Variants in BIRC6 observed in about 807,000 individuals in gnomAD.
BIRC6 encodes baculoviral IAP repeat containing 6, also known as dual E2 ubiquitin-conjugating enzyme/E3 ubiquitin-protein ligase BIRC6.
Under a neutral mutation model 503.3 loss-of-function variants are expected in BIRC6, and 98 were observed. The ratio of observed to expected loss-of-function variants is 0.19; its 90% confidence interval spans 0.17 to 0.23. The LOEUF (loss-of-function observed/expected upper bound fraction) is 0.23. BIRC6 is among the 10% of genes least tolerant of loss of function. BIRC6 has a pLI of 1.00. For missense variants in BIRC6, 5,360 were observed against 5,806.0 expected, an observed-to-expected ratio of 0.92 and a Z score of 2.50; for synonymous variants, 2,240 against 2,078.7, an observed-to-expected ratio of 1.08 and a Z score of -2.11.
intron 43 of BIRC6, 70 bp downstream of exon 43, chr2:32,490,221 A>G: frequency 1.5e-6 from 2 of 1,340,060 alleles, no homozygotes; most frequent in South Asian, 1.2e-5. Context: ...GATTCTTAAA[A>G]CAGAGTTTTC....
chr2:32,549,201 CT>C (rs2058270397), intron 64 of BIRC6, 111 bp from the exon 65 acceptor site: 3 of 670,362 alleles, frequency 4.5e-6, no homozygotes. Flanking sequence ...GTATAAGATA[CT>C]GATTAAGTAG....
intron 65 of BIRC6, among the ~76,000 whole-genome samples, chr2:32,569,114 C>T (rs530035010): frequency 6.6e-6 from 1 of 151,844 alleles, no homozygotes; most frequent in Admixed American, 6.6e-5. Context: ...CTCAGCCTCC[C>T]GAGTAGCTGG....
intron 65 of BIRC6, among the ~76,000 whole-genome samples, chr2:32,559,221 A>G (rs1186187324): frequency 6.6e-6 from 1 of 152,262 alleles, no homozygotes; most frequent in Admixed American, 6.5e-5. Flanking sequence ...CAAGCTATGC[A>G]TAAATCAGCA....
At position 32,377,636 on chromosome 2, in the gene BIRC6, A is replaced by C. The variant is rs2037009148; in HGVS notation, c.374A>C (p.Lys125Thr). The change falls in exon 2 of 74, where the codon AAA becomes ACA. Residue 125 changes from lysine (K) to threonine (T), a missense_variant. Lys to Thr is a moderately conservative substitution (Grantham distance 78, BLOSUM62 -1). Transcript: ENST00000421745. ...VKCQYISAVD[K>T]VIFVDDYAVG... ...TGTCAGTATATCTCTGCTGTGGATA[A>C]AGTTATATTTGTGGATGATTATGCA... The C allele has an allele frequency of 6.2e-7, 1 of 1,613,380 alleles. No homozygotes were observed. Among genetic ancestry groups the C allele is most frequent in the Non-Finnish European group, 8.5e-7 (1 of 1,179,668 alleles).
Position 32,503,146 on chromosome 2 carries a change from C to A in BIRC6, c.9409C>A (p.Pro3137Thr). 1 of 1,612,504 alleles carries A rather than the reference C, an allele frequency of 6.2e-7. No homozygotes were observed. The highest frequency in any genetic ancestry group is 8.5e-7 in the Non-Finnish European group (1 of 1,179,212). ...TATTATGAAATTTCTTGACTCTGGT[C>A]CAAATAAAGCTGTTGACAGCACATT... ...STIMKFLDSGPNKAVDSTLKT... is the reference protein window; with the variant it reads ...STIMKFLDSGTNKAVDSTLKT... The change falls in exon 49 of 74, where the codon CCA becomes ACA. Residue 3137 changes from proline to threonine, a missense_variant. Physicochemically the swap from Pro to Thr is conservative, Grantham distance 38. Transcript: ENST00000421745.
chr2:32,532,406 A>G (rs1659172410), intron 61 of BIRC6, among the ~76,000 whole-genome samples: 1 of 151,900 alleles, frequency 6.6e-6, no homozygotes, highest in African/African-American at 2.4e-5. Context: ...CTTGCTGTTC[A>G]TTGGTTTGTA....
intron 12 of BIRC6, among the ~76,000 whole-genome samples, chr2:32,433,295 A>G (rs1487282279): frequency 1.3e-5 from 2 of 152,212 alleles, no homozygotes; most frequent in Non-Finnish European, 2.9e-5. Flanking sequence ...TAAGAAATAC[A>G]ATAAATTGTT....
At chr2:32,432,435 A>G (rs1344917387) in intron 12 of BIRC6, among the ~76,000 whole-genome samples, 1 of 151,972 alleles carries the variant, frequency 6.6e-6, no homozygotes, top group Non-Finnish European at 1.5e-5. Flanking sequence ...AAACAGAGGT[A>G]GAGGTACCTG....
chr2:32,383,582 G>A (rs2038009149), intron 3 of BIRC6, among the ~76,000 whole-genome samples: 1 of 151,876 alleles, frequency 6.6e-6, no homozygotes, highest in South Asian at 2.1e-4. Flanking sequence ...TGTCACCCAG[G>A]CTGGAGTGCA....
intron 56 of BIRC6, 99 bp downstream of exon 56, chr2:32,518,496 G>C: frequency 7.9e-7 from 1 of 1,270,166 alleles, no homozygotes; most frequent in Non-Finnish European, 1.1e-6. Context: ...TTCGAGTATA[G>C]CAAAGTGAAA....
At chr2:32,567,212 C>A (rs1410742392) in intron 65 of BIRC6, among the ~76,000 whole-genome samples, 2 of 152,332 alleles carry the variant, frequency 1.3e-5, no homozygotes, top group Admixed American at 1.3e-4. Context: ...TCAGGTGATC[C>A]ACCTGCCTCG....
chr2:32,492,867 A>G (rs1312493612), intron 44 of BIRC6, among the ~76,000 whole-genome samples: 1 of 151,964 alleles, frequency 6.6e-6, no homozygotes, highest in Non-Finnish European at 1.5e-5. Context: ...ATTTTTCCAG[A>G]ACTACTCCAA....
chr2:32,503,982 G>C (rs911514823), intron 49 of BIRC6, among the ~76,000 whole-genome samples: 11 of 138,710 alleles, frequency 7.9e-5, no homozygotes, highest in Admixed American at 4.0e-4. Context: ...CTCCTGAGTA[G>C]CTGGGATTGC....
chr2:32,437,550 C>G (rs2044862977), intron 15 of BIRC6, among the ~76,000 whole-genome samples: 1 of 152,176 alleles, frequency 6.6e-6, no homozygotes, highest in Non-Finnish European at 1.5e-5. Context: ...TAGTACAGGT[C>G]AAGTATCCCT....
At position 32,415,726 on chromosome 2, in the gene BIRC6, T is replaced by G; in HGVS notation, c.2435T>G (p.Ile812Arg). 1 of 1,613,898 alleles carries G rather than the reference T, an allele frequency of 6.2e-7. No individual in the cohort carries two copies. The highest frequency in any genetic ancestry group is 8.5e-7 in the Non-Finnish European group (1 of 1,179,866). ...ESPADVQTPL[I>R]IQPEQRNVSG... The stretch of plus-strand genomic sequence containing the variant: ...CCAGCAGATGTACAGACTCCTTTAA[T>G]AATTCAGCCTGAGCAGAGGAATGTT... The change falls in exon 10 of 74, where the codon ATA becomes AGA. Residue 812 changes from isoleucine to arginine, a missense_variant. Ile to Arg is a moderately conservative substitution (Grantham distance 97). This residue lies in a region of BIRC6 where 700 missense variants were observed against 739.3 expected (regional missense o/e 0.95). Transcript: ENST00000421745.
intron 22 of BIRC6, among the ~76,000 whole-genome samples, chr2:32,453,346 T>C (rs2046911615): frequency 6.6e-6 from 1 of 152,070 alleles, no homozygotes; most frequent in Non-Finnish European, 1.5e-5. Flanking sequence ...GTTAATATTT[T>C]GAAATGTTCA....
chr2:32,511,120 A>G (rs371253409), intron 53 of BIRC6, among the ~76,000 whole-genome samples: 1 of 151,446 alleles, frequency 6.6e-6, no homozygotes, highest in Admixed American at 6.6e-5. Context: ...CCTGCTGTTT[A>G]CAGAATGAAA....
intron 61 of BIRC6, among the ~76,000 whole-genome samples, chr2:32,537,605 A>G (rs751649713): frequency 9.9e-5 from 15 of 152,194 alleles, no homozygotes; most frequent in Non-Finnish European, 1.6e-4. Context: ...GTGATGGCAG[A>G]ATAAAAAGTA....
chr2:32,395,404 A>G, intron 5 of BIRC6, 107 bp from the exon 6 acceptor site: 2 of 820,658 alleles, frequency 2.4e-6, no homozygotes, highest in Admixed American at 2.6e-5. Context: ...TCTTATTTTC[A>G]GTATAGAATT....
Sources: allele counts gnomAD v4.1 joint callset (sites outside exome capture counted in the v4.1 genomes callset), GRCh38; gene constraint gnomAD v4.1.1; regional missense constraint gnomAD v4.1.1; transcripts MANE v1.5; gene names NCBI Gene and HGNC (gene_info 2026-07-23, HGNC 2026-07-21).